MCCC1: variants seen among roughly 807,000 people sequenced by gnomAD.
MCCC1 encodes methylcrotonyl-CoA carboxylase subunit 1.
Under a neutral mutation model 83.8 loss-of-function variants are expected in MCCC1, and 64 were observed. The observed-to-expected ratio is 0.76, with a 90% CI of 0.62 to 0.94. The LOEUF is 0.94. MCCC1 is among the 40% of genes least tolerant of loss of function. The pLI is 0.00. For synonymous variants in MCCC1, 322 were observed against 315.4 expected, an observed-to-expected ratio of 1.02 and a Z score of -0.22; for missense variants, 807 against 904.7, an observed-to-expected ratio of 0.89 and a Z score of 1.39.
At position 183,092,468 on chromosome 3, in the gene MCCC1, CCA is replaced by C; in HGVS notation, c.212_213del (p.Leu71ArgfsTer9). ...CTATAAACCGCCACAGTCTGTACAC[CCA>C]GTTTTTTGGCTGTGCGCATCACCCT... ...ACRVMRTAKK[L>X]GVQTVAVYSE... On this transcript the variant is annotated frameshift_variant, in exon 3 of 19. Transcript: ENST00000265594. LOFTEE classifies it high-confidence loss of function. The C allele has an allele frequency of 6.2e-7, 1 of 1,614,154 alleles. No individual in the cohort carries two copies.
intron 7 of MCCC1, among the ~76,000 whole-genome samples, chr3:183,060,915 T>G: frequency 6.6e-6 from 1 of 152,200 alleles, no homozygotes; most frequent in East Asian, 1.9e-4. Flanking sequence ...TCATCCTTTT[T>G]TATGGCTGCG....
chr3:183,094,516 A>G (rs1718599094), intron 2 of MCCC1, 43 bp downstream of exon 2: 1 of 1,595,522 alleles, frequency 6.3e-7, no homozygotes, highest in African/African-American at 1.3e-5. Context: ...AAACACTTCC[A>G]GTCTGAAGCA....
chr3:183,081,649 A>G (rs1431819786), intron 4 of MCCC1, among the ~76,000 whole-genome samples: 1 of 152,238 alleles, frequency 6.6e-6, no homozygotes, highest in Non-Finnish European at 1.5e-5. Context: ...CCAGACCTGC[A>G]TGACTCAGCA....
intron 10 of MCCC1, among the ~76,000 whole-genome samples, chr3:183,044,862 CTGT>C (rs1714411290): frequency 6.6e-6 from 1 of 151,874 alleles, no homozygotes; most frequent in Non-Finnish European, 1.5e-5. Context: ...AAAATGACAC[CTGT>C]TTTAGGAGGC....
chr3:183,069,860 A>T (rs1716524528), intron 7 of MCCC1, among the ~76,000 whole-genome samples: 1 of 152,212 alleles, frequency 6.6e-6, no homozygotes, highest in Admixed American at 6.5e-5. Context: ...AAAAATAGGG[A>T]TTCACACTGC....
chr3:183,063,978 CCT>C (rs938815466), intron 7 of MCCC1, among the ~76,000 whole-genome samples: 2 of 152,016 alleles, frequency 1.3e-5, no homozygotes, highest in African/African-American at 4.8e-5. Flanking sequence ...GTTAAAGACC[CCT>C]CTCAATAAAA....
chr3:183,068,596 ATT>A (rs1008202893), intron 7 of MCCC1, among the ~76,000 whole-genome samples: 2 of 152,230 alleles, frequency 1.3e-5, no homozygotes, highest in African/African-American at 2.4e-5. Flanking sequence ...CTTGCTTTCA[ATT>A]AAAAAGAAGT....
rs1265750444 is a variant in MCCC1 at position 183,064,546 on chromosome 3, C to A, written c.761+6453G>T. Reference sequence around the variant, plus strand: ...CGCGCGCCTGCTCATGGCACGCCACCAGCACGGGCCAGGCGCACAAGTGCA... The same window carrying A: ...CGCGCGCCTGCTCATGGCACGCCACAAGCACGGGCCAGGCGCACAAGTGCA... On this transcript the variant is annotated intron_variant, in intron 7 of 18. Coordinates refer to ENST00000265594, the MANE Select transcript of MCCC1 (RefSeq NM_020166.5). The surrounding 1 kb of genome is among the most constrained non-coding windows in gnomAD (Gnocchi z 4.5). Among the ~76,000 whole-genome samples the A allele has an allele frequency of 6.6e-6, 1 of 152,166 alleles. No homozygotes were observed. Among genetic ancestry groups the A allele is most frequent in the Non-Finnish European group, 1.5e-5 (1 of 68,026 alleles).
In MCCC1 at chr3:183,015,541, C is replaced by T. The variant is rs2108428858; in HGVS notation, c.2075G>A (p.Gly692Asp). 2 of 1,614,114 alleles carry T rather than the reference C, an allele frequency of 1.2e-6. No homozygotes were observed. Among genetic ancestry groups the T allele is most frequent in the African/African-American group, 1.3e-5 (1 of 75,032 alleles). The stretch of plus-strand genomic sequence containing the variant: ...TCTGTAGAACACTTTCTTTACTGTG[C>T]CATCCTTTGGAGACTTTATGGTATG... ...MEHTIKSPKD[G>D]TVKKVFYREG... Residue 692 changes from glycine (G) to aspartate (D), a missense_variant, in exon 19 of 19, where the codon GGC becomes GAC. Coordinates refer to ENST00000265594, the MANE Select transcript of MCCC1 (RefSeq NM_020166.5).
chr3:183,017,465 T>A, intron 17 of MCCC1, 128 bp from the exon 18 acceptor site: 1 of 844,334 alleles, frequency 1.2e-6, no homozygotes, highest in Non-Finnish European at 2.0e-6. Context: ...ACCATGAATA[T>A]AAACAATAAA....
upstream of MCCC1, among the ~76,000 whole-genome samples, chr3:183,100,686 G>A (rs1719182652): frequency 6.6e-6 from 1 of 152,228 alleles, no homozygotes; most frequent in South Asian, 2.1e-4. Flanking sequence ...TACGCTGGGT[G>A]CTGTGGCTCA....
At chr3:183,050,641 G>GGTTGCA in intron 9 of MCCC1, among the ~76,000 whole-genome samples, 1 of 148,374 alleles carries the variant, frequency 6.7e-6, no homozygotes, top group East Asian at 2.0e-4. Context: ...GGGAGGCGGA[G>GGTTGCA]GTTGCAGTGA....
intron 15 of MCCC1, among the ~76,000 whole-genome samples, chr3:183,024,881 A>G (rs1010353324): frequency 6.6e-6 from 1 of 152,174 alleles, no homozygotes; most frequent in East Asian, 1.9e-4. Flanking sequence ...CAAAAGCTAG[A>G]AACAACCCGA....
intron 16 of MCCC1, among the ~76,000 whole-genome samples, chr3:183,020,691 G>A (rs143828184): frequency 4.6e-5 from 7 of 152,102 alleles, no homozygotes; most frequent in Admixed American, 4.6e-4. Flanking sequence ...TTATGACCTT[G>A]AGCAAATTAT....
intron 1 of MCCC1, among the ~76,000 whole-genome samples, chr3:183,098,270 C>T (rs542156805): frequency 2.4e-4 from 36 of 152,294 alleles, no homozygotes; most frequent in Non-Finnish European, 4.7e-4. Context: ...GGCACTCCTA[C>T]AATTAAGTAA....
intron 11 of MCCC1, 49 bp downstream of exon 11, chr3:183,041,518 G>A: frequency 6.3e-7 from 1 of 1,588,404 alleles, no homozygotes; most frequent in Non-Finnish European, 8.6e-7. Context: ...AAACAATAAT[G>A]TACTAAAAAC....
At position 183,086,768 on chromosome 3, in the gene MCCC1, G is replaced by A. The variant is rs368288499; in HGVS notation, c.294C>T (p.Ile98=). The A allele has an allele frequency of 2.4e-5, 39 of 1,613,946 alleles. No individual in the cohort carries two copies. Among genetic ancestry groups the A allele is most frequent in the African/African-American group, 2.1e-4 (16 of 74,904 alleles). ...HVDMADEAYS[I]GPAPSQQSYL... ...AGCTCTGCTGGGAGGGAGCGGGGCC[G>A]ATGGAATATGCTTCATCTGCCTGTT... Residue 98 remains isoleucine (I), a synonymous_variant, in exon 4 of 19, where the codon ATC becomes ATT. Coordinates refer to ENST00000265594, the MANE Select transcript of MCCC1 (RefSeq NM_020166.5).
At chr3:183,065,918 A>C in intron 7 of MCCC1, among the ~76,000 whole-genome samples, 1 of 152,254 alleles carries the variant, frequency 6.6e-6, no homozygotes, top group East Asian at 1.9e-4. Flanking sequence ...GTCAAACATT[A>C]AAATTGGGTA....
upstream of MCCC1, among the ~76,000 whole-genome samples, chr3:183,103,825 G>A (rs1436737527): frequency 6.6e-6 from 1 of 152,188 alleles, no homozygotes; most frequent in Non-Finnish European, 1.5e-5. Flanking sequence ...GGCTCGGGCC[G>A]CACAAGAGCC....
Sources: allele counts gnomAD v4.1 joint callset (sites outside exome capture counted in the v4.1 genomes callset), GRCh38; gene constraint gnomAD v4.1.1; non-coding constraint Gnocchi (gnomAD v3.1); transcripts MANE v1.5; gene names NCBI Gene and HGNC (gene_info 2026-07-23, HGNC 2026-07-21).